The following CDH12 variants were observed in gnomAD, a reference collection of about 807,000 sequenced individuals.
CDH12 encodes cadherin-12.
CDH12 carries 41 observed loss-of-function variants against 74.1 expected under a neutral mutation model. The ratio of observed to expected loss-of-function variants is 0.55; its 90% CI spans 0.43 to 0.72. CDH12 has a LOEUF of 0.72. Among genes scored for constraint, CDH12 ranks in the 30% least tolerant of loss-of-function variants. The pLI is 0.00. For missense variants in CDH12, 945 were observed against 977.2 expected (o/e 0.97, Z 0.44); for synonymous variants, 399 against 355.0 (o/e 1.12, Z -1.39).
In CDH12 at chr5:22,052,696, A is replaced by C. The variant is rs200151719; in HGVS notation, c.231+25750T>G. Among the ~76,000 whole-genome samples, 13 of 152,294 alleles carry C rather than the reference A, an allele frequency of 8.5e-5. No individual in the cohort carries two copies. The East Asian group carries it at 2.1e-3, about 25-fold the overall frequency. On this transcript the variant is annotated intron_variant, in intron 5 of 14. Coordinates refer to ENST00000382254, the MANE Select transcript of CDH12 (RefSeq NM_004061.5). ...GGTATAGGCATTGGTTGTTTTCTGC[A>C]TAACTTTTCCTGTAAAGCATTATGG... is the stretch of plus-strand genomic sequence containing the variant.
At chr5:21,758,213 G>A (rs1370779308) in intron 13 of CDH12, among the ~76,000 whole-genome samples, 1 of 151,962 alleles carries the variant, frequency 6.6e-6, no homozygotes, top group East Asian at 1.9e-4. Flanking sequence ...TTTTTTATAA[G>A]TGTTTCAGTC....
intron 2 of CDH12, among the ~76,000 whole-genome samples, chr5:22,406,848 C>T (rs1742961410): frequency 6.6e-6 from 1 of 151,952 alleles, no homozygotes; most frequent in African/African-American, 2.4e-5. Context: ...TTGAAAGAAT[C>T]CAAACTTGTA....
At chr5:22,070,842 G>A (rs1179913403) in intron 5 of CDH12, among the ~76,000 whole-genome samples, 1 of 152,130 alleles carries the variant, frequency 6.6e-6, no homozygotes, top group African/African-American at 2.4e-5. Context: ...GTGGAAGGAC[G>A]TGGATGCCTT....
intron 6 of CDH12, among the ~76,000 whole-genome samples, chr5:21,968,649 A>AT (rs1395147463): frequency 1.3e-5 from 2 of 152,014 alleles, no homozygotes; most frequent in East Asian, 1.9e-4. Context: ...GCATTTTCCC[A>AT]TTTTTTTCAA....
chr5:22,720,566 T>G (rs1743829180), intron 1 of CDH12, among the ~76,000 whole-genome samples: 1 of 152,046 alleles, frequency 6.6e-6, no homozygotes, highest in South Asian at 2.1e-4. Context: ...TGGGTAACAG[T>G]CAGAGGTTGG....
At chr5:21,878,925 A>AAAAC in intron 6 of CDH12, among the ~76,000 whole-genome samples, 1 of 148,758 alleles carries the variant, frequency 6.7e-6, no homozygotes, top group East Asian at 2.0e-4. Flanking sequence ...GGAAGAAAGA[A>AAAAC]AAAGAAAGAA....
chr5:22,827,214 G>T (rs935056886), intron 1 of CDH12, among the ~76,000 whole-genome samples: 1 of 152,190 alleles, frequency 6.6e-6, no homozygotes, highest in Non-Finnish European at 1.5e-5. Context: ...CAAGCCTTAA[G>T]CCATGGCGTC....
chr5:22,776,045 T>G (rs1002252357), intron 1 of CDH12, among the ~76,000 whole-genome samples: 3 of 152,164 alleles, frequency 2.0e-5, no homozygotes, highest in Non-Finnish European at 4.4e-5. Flanking sequence ...CCCAGCCATG[T>G]GGAACTGTAA....
At chr5:22,654,660 A>G (rs1739936423) in intron 1 of CDH12, among the ~76,000 whole-genome samples, 1 of 149,526 alleles carries the variant, frequency 6.7e-6, no homozygotes, top group Admixed American at 6.7e-5. Context: ...GTTTTGAGAC[A>G]GTTTCGCTCT....
chr5:22,429,648 A>G (rs1744084586), intron 2 of CDH12, among the ~76,000 whole-genome samples: 1 of 152,172 alleles, frequency 6.6e-6, no homozygotes, highest in Admixed American at 6.5e-5. Context: ...CCCTCCATAA[A>G]CTAAACATGA....
chr5:22,146,407 A>G (rs528336178), intron 4 of CDH12, among the ~76,000 whole-genome samples: 1 of 152,258 alleles, frequency 6.6e-6, no homozygotes, highest in Admixed American at 6.5e-5. Context: ...TCAAATGTTC[A>G]TAACATTTAA....
chr5:22,233,077 A>G (rs1390284769), intron 3 of CDH12, among the ~76,000 whole-genome samples: 1 of 151,274 alleles, frequency 6.6e-6, no homozygotes, highest in East Asian at 1.9e-4. Flanking sequence ...TTACTTTGCT[A>G]TTTTAAAAGA....
chr5:22,771,201 C>T (rs1746786458), intron 1 of CDH12, among the ~76,000 whole-genome samples: 1 of 152,062 alleles, frequency 6.6e-6, no homozygotes, highest in African/African-American at 2.4e-5. Flanking sequence ...TCTCTGTCCC[C>T]AAGAGTATAA....
At chr5:22,262,648 G>GT (rs1753562522) in intron 3 of CDH12, among the ~76,000 whole-genome samples, 1 of 150,948 alleles carries the variant, frequency 6.6e-6, no homozygotes, top group African/African-American at 2.4e-5. Context: ...GGATGGCTGG[G>GT]TCAAATGGTA....
At position 21,984,486 on chromosome 5, in the gene CDH12, T is replaced by C. The variant is rs904107066; in HGVS notation, c.232-9101A>G. On this transcript the variant is annotated intron_variant, in intron 5 of 14. Coordinates refer to ENST00000382254, the MANE Select transcript of CDH12 (RefSeq NM_004061.5). Reference sequence around the variant, plus strand: ...GGTCTCTTTCAGAGCTGTGCCTTCATTGCTGGAGCCCTCTCAGTGTAAACA... The same window carrying C: ...GGTCTCTTTCAGAGCTGTGCCTTCACTGCTGGAGCCCTCTCAGTGTAAACA... 1.1e-3 allele frequency among the ~76,000 whole-genome samples: 174 copies of C among 152,296 alleles called. 1 individual carries two copies. The highest frequency in any genetic ancestry group is 3.9e-3 in the African/African-American group (162 of 41,578).
intron 3 of CDH12, among the ~76,000 whole-genome samples, chr5:22,346,169 T>C (rs985489410): frequency 3.8e-4 from 57 of 151,662 alleles, no homozygotes; most frequent in African/African-American, 1.4e-3. Context: ...GAAACCAAGA[T>C]TGGCTTCAGT....
rs559988920 is a variant in CDH12, at chr5:22,853,267, A to G, written c.-732T>C. The G allele has an allele frequency of 6.6e-6, 1 of 152,294 alleles. No homozygotes were observed. Among genetic ancestry groups the G allele is most frequent in the South Asian group, 2.1e-4 (1 of 4,810 alleles). The allele number at this position is 152,294 out of a possible 1,614,324, so 9.4% of individuals were successfully genotyped here. A position where few individuals can be genotyped will look rare whatever the true frequency, so the allele number is the denominator to read the frequency against. ...CCAGTAGACACCACTTTCTTCCTGG[A>G]AGAGGCTGCCTCTCTTCTCAGAAAA... On this transcript the variant is annotated 5_prime_UTR_variant, in exon 1 of 15. Coordinates refer to ENST00000382254, the MANE Select transcript of CDH12 (RefSeq NM_004061.5).
At chr5:22,235,147 C>T (rs1162895855) in intron 3 of CDH12, among the ~76,000 whole-genome samples, 1 of 152,118 alleles carries the variant, frequency 6.6e-6, no homozygotes, top group East Asian at 1.9e-4. Flanking sequence ...TGTCTCCTGA[C>T]ACTTGAAACC....
chr5:22,712,382 T>C (rs1377998799), intron 1 of CDH12, among the ~76,000 whole-genome samples: 2 of 152,124 alleles, frequency 1.3e-5, no homozygotes, highest in East Asian at 3.8e-4. Flanking sequence ...CTTTTAATTT[T>C]ATTAAAAATA....
Sources: allele counts gnomAD v4.1 joint callset (sites outside exome capture counted in the v4.1 genomes callset), GRCh38; gene constraint gnomAD v4.1.1; transcripts MANE v1.5; gene names NCBI Gene and HGNC (gene_info 2026-07-23, HGNC 2026-07-21).